TOM1L2: variants seen among roughly 807,000 people sequenced by gnomAD.
The protein encoded by TOM1L2 is TOM1-like protein 2.
TOM1L2 carries 31 observed loss-of-function variants against 67.9 expected under a neutral mutation model. The ratio of observed to expected loss-of-function variants is 0.46; its 90% confidence interval spans 0.34 to 0.62. TOM1L2 has a LOEUF of 0.62. Among genes scored for constraint, TOM1L2 ranks in the 20% least tolerant of loss-of-function variants. TOM1L2 has a pLI of 0.01. For missense variants in TOM1L2, 606 were observed against 663.5 expected (o/e 0.91, Z 0.95); for synonymous variants, 256 against 254.0 (o/e 1.01, Z -0.07).
intron 2 of TOM1L2, among the ~76,000 whole-genome samples, chr17:17,900,843 C>CT (rs2038819409): frequency 6.6e-6 from 1 of 152,198 alleles, no homozygotes; most frequent in Admixed American, 6.5e-5. Context: ...AATTCAGTGG[C>CT]TACTGGCCAA....
chr17:17,948,742 C>T (rs1242657598), intron 1 of TOM1L2, among the ~76,000 whole-genome samples: 1 of 152,076 alleles, frequency 6.6e-6, no homozygotes, highest in East Asian at 1.9e-4. Context: ...CAGTTCACAC[C>T]CCCTCTTGCT....
intron 1 of TOM1L2, among the ~76,000 whole-genome samples, chr17:17,955,446 C>T (rs1568377056): frequency 6.8e-6 from 1 of 147,792 alleles, no homozygotes; most frequent in Non-Finnish European, 1.5e-5. Context: ...TCAAGCGATT[C>T]TCCAGCCTCC....
chr17:17,861,729 G>A (rs1044096615), intron 11 of TOM1L2, among the ~76,000 whole-genome samples, 178 bp from the exon 12 acceptor site: 1 of 152,154 alleles, frequency 6.6e-6, no homozygotes, highest in Non-Finnish European at 1.5e-5. Flanking sequence ...CTGTCTCCCT[G>A]CAGTGGATGC....
At chr17:17,860,414 G>T (rs754754378) in intron 12 of TOM1L2, among the ~76,000 whole-genome samples, 31 of 152,234 alleles carry the variant, frequency 2.0e-4, no homozygotes, top group Non-Finnish European at 3.7e-4. Context: ...AGTGCAGAGG[G>T]ATGCATGCCC....
At chr17:17,933,308 C>T (rs2040404539) in intron 1 of TOM1L2, among the ~76,000 whole-genome samples, 1 of 152,208 alleles carries the variant, frequency 6.6e-6, no homozygotes, top group Non-Finnish European at 1.5e-5. Flanking sequence ...GTGCTCTCCT[C>T]AGGAGCTCCT....
chr17:17,954,025 T>A (rs1052383523), intron 1 of TOM1L2, among the ~76,000 whole-genome samples: 1 of 152,256 alleles, frequency 6.6e-6, no homozygotes, highest in African/African-American at 2.4e-5. Flanking sequence ...TGCATTCAAA[T>A]AGTCAGATAA....
At chr17:17,890,971 C>T (rs2038242529) in intron 4 of TOM1L2, among the ~76,000 whole-genome samples, 2 of 152,196 alleles carry the variant, frequency 1.3e-5, no homozygotes, top group South Asian at 2.1e-4. Context: ...GCTGGGCAGC[C>T]GTTACCAAAG....
chr17:17,867,628 G>A (rs1487182477), intron 8 of TOM1L2, among the ~76,000 whole-genome samples: 1 of 152,206 alleles, frequency 6.6e-6, no homozygotes, highest in African/African-American at 2.4e-5. Flanking sequence ...GTTCTGTATC[G>A]TATTTAAAAA....
intron 2 of TOM1L2, among the ~76,000 whole-genome samples, chr17:17,904,381 A>G (rs2038994647): frequency 6.6e-6 from 1 of 152,194 alleles, no homozygotes; most frequent in Non-Finnish European, 1.5e-5. Context: ...AATTCACTGG[A>G]AAATAAGAGT....
intron 1 of TOM1L2, among the ~76,000 whole-genome samples, chr17:17,939,535 T>C (rs1006506556): frequency 6.6e-6 from 1 of 152,186 alleles, no homozygotes; most frequent in African/African-American, 2.4e-5. Flanking sequence ...GCTGAAATAA[T>C]ATGATTTGGG....
chr17:17,851,121 C>T (rs774592316), intron 12 of TOM1L2, 169 bp from the exon 13 acceptor site: 63 of 642,882 alleles, frequency 9.8e-5, no homozygotes, highest in Non-Finnish European at 6.6e-5. Context: ...AGGGCAGCCA[C>T]GTGTGAGATG....
At chr17:17,917,794 A>C in intron 1 of TOM1L2, among the ~76,000 whole-genome samples, 1 of 152,098 alleles carries the variant, frequency 6.6e-6, no homozygotes, top group East Asian at 1.9e-4. Context: ...ATCCCTACAA[A>C]AAATTTAAAA....
intron 1 of TOM1L2, among the ~76,000 whole-genome samples, chr17:17,933,302 T>A (rs972550519): frequency 1.2e-4 from 19 of 152,138 alleles, no homozygotes; most frequent in Non-Finnish European, 2.2e-4. Context: ...GAAGAGGTGC[T>A]CTCCTCAGGA....
chr17:17,941,512 G>C (rs1417682830), intron 1 of TOM1L2, among the ~76,000 whole-genome samples: 1 of 152,122 alleles, frequency 6.6e-6, no homozygotes, highest in Non-Finnish European at 1.5e-5. Flanking sequence ...CTCCCATTAA[G>C]CCAGAACTAG....
intron 3 of TOM1L2, among the ~76,000 whole-genome samples, chr17:17,895,207 G>GGT (rs2038504164): frequency 6.6e-6 from 1 of 152,106 alleles, no homozygotes; most frequent in African/African-American, 2.4e-5. Context: ...CCAACCCATA[G>GGT]GATTACCTGG....
chr17:17,961,648 C>T (rs976598697), intron 1 of TOM1L2, among the ~76,000 whole-genome samples: 4 of 151,868 alleles, frequency 2.6e-5, no homozygotes, highest in African/African-American at 4.8e-5. Flanking sequence ...CCGAGGCGGG[C>T]GCATCATGAG....
At chr17:17,907,569 T>C (rs376561708) in intron 1 of TOM1L2, 38 bp from the exon 2 acceptor site, 2 of 1,586,430 alleles carry the variant, frequency 1.3e-6, no homozygotes, top group South Asian at 1.1e-5. Flanking sequence ...ACATTTCTCC[T>C]GGAATAAGTG....
At chr17:17,905,297 C>T (rs77840825) in intron 2 of TOM1L2, among the ~76,000 whole-genome samples, 227 of 152,334 alleles carry the variant, frequency 1.5e-3, no homozygotes, top group African/African-American at 5.1e-3. Flanking sequence ...CTTCCAGGAG[C>T]CTGGCTGGCA....
At position 17,971,612 on chromosome 17, in the gene TOM1L2, G is replaced by A. The variant is rs75239995; in HGVS notation, c.52+650C>T. Among the ~76,000 whole-genome samples the A allele has an allele frequency of 4.5e-3, 687 of 152,376 alleles. 6 individuals are homozygous for A. Among genetic ancestry groups the A allele is most frequent in the African/African-American group, 0.016 (661 of 41,598 alleles). On this transcript the variant is annotated intron_variant, in intron 1 of 14. Transcript: ENST00000379504. ...GAAGAGGAGGGACAAAGATGGAGAA[G>A]AAGGTGACATCCCACAAAGGGTTTG...
Sources: allele counts gnomAD v4.1 joint callset (sites outside exome capture counted in the v4.1 genomes callset), GRCh38; gene constraint gnomAD v4.1.1; transcripts MANE v1.5; gene names NCBI Gene and HGNC (gene_info 2026-07-23, HGNC 2026-07-21).